Variants in TMEM184B observed in about 807,000 individuals in gnomAD.
The protein encoded by TMEM184B is putative MAPK-activating protein FM08.
Under a neutral mutation model 41.8 loss-of-function variants are expected in TMEM184B, and 17 were observed. That is an observed-to-expected ratio of 0.41 (90% CI 0.28 to 0.61). The LOEUF is 0.61. Among genes scored for constraint, TMEM184B ranks in the 20% least tolerant of loss-of-function variants. The pLI, the probability that TMEM184B is intolerant of heterozygous loss-of-function variation, is 0.34. For missense variants in TMEM184B, 393 were observed against 557.8 expected, an observed-to-expected ratio of 0.70 and a Z score of 2.98; for synonymous variants, 240 against 229.5, an observed-to-expected ratio of 1.05 and a Z score of -0.41.
At chr22:38,261,963 C>A (rs374753778) in intron 1 of TMEM184B, among the ~76,000 whole-genome samples, 1 of 152,284 alleles carries the variant, frequency 6.6e-6, no homozygotes, top group South Asian at 2.1e-4. Flanking sequence ...CAGCAAAGAG[C>A]GCACACGCGC....
intron 1 of TMEM184B, among the ~76,000 whole-genome samples, chr22:38,252,809 T>C (rs564431795): frequency 1.9e-3 from 293 of 152,320 alleles, no homozygotes; most frequent in Non-Finnish European, 3.6e-3. Context: ...AATTACATAA[T>C]TAACAAGGGA....
Position 38,220,959 on chromosome 22 carries a change from C to G in TMEM184B, c.*510G>C. 1.0e-6 allele frequency: 1 copy of G among 989,842 alleles called. No homozygotes were observed. The highest frequency in any genetic ancestry group is 4.6e-5 in the South Asian group (1 of 21,526). 61.3% of individuals were successfully genotyped at this position (989,842 alleles called of 1,614,324 possible). ...GGGGAGGACCACAGAGCGCCCACATCCCCACTCCTGCCCGGGGTGAGGTGA... is the reference window on the plus strand; with the variant it reads ...GGGGAGGACCACAGAGCGCCCACATGCCCACTCCTGCCCGGGGTGAGGTGA... On this transcript the variant is annotated 3_prime_UTR_variant, in exon 9 of 9. Transcript: ENST00000361906.
At chr22:38,243,112 T>C (rs1395483640) in intron 3 of TMEM184B, among the ~76,000 whole-genome samples, 1 of 151,154 alleles carries the variant, frequency 6.6e-6, no homozygotes, top group East Asian at 1.9e-4. Flanking sequence ...GCAGCTGCTG[T>C]ACTGTTTGTA....
intron 3 of TMEM184B, among the ~76,000 whole-genome samples, chr22:38,237,435 T>C (rs376420511): frequency 3.3e-4 from 50 of 152,372 alleles, no homozygotes; most frequent in African/African-American, 1.2e-3. Flanking sequence ...CCGATGACCC[T>C]GGGCACACTG....
chr22:38,252,954 A>G (rs949710012), intron 1 of TMEM184B, among the ~76,000 whole-genome samples: 1 of 151,186 alleles, frequency 6.6e-6, no homozygotes, highest in Non-Finnish European at 1.5e-5. Context: ...CAACCTGGCT[A>G]ACATGGTGAA....
chr22:38,230,646 AG>A, intron 5 of TMEM184B, 22 bp downstream of exon 5: 1 of 1,601,304 alleles, frequency 6.2e-7, no homozygotes, highest in South Asian at 1.1e-5. Flanking sequence ...CTCCTGAGCT[AG>A]GCAGCTGCTG....
rs1414560771 is a variant in TMEM184B at position 38,225,029 on chromosome 22, T to C, written c.788-50A>G. On this transcript the variant is annotated intron_variant, in intron 7 of 8. Transcript: ENST00000361906. This position sits in a 1 kb window ranked among gnomAD's most constrained non-coding sequence, Gnocchi z 4.4. ...GGACCCAGAATGATTCCTTTCCTGC[T>C]CCCCCTTCTTCCACAATGCCCCATT... 1.4e-6 allele frequency: 2 copies of C among 1,479,180 alleles called. No homozygotes were observed. The highest frequency in any genetic ancestry group is 1.8e-6 in the Non-Finnish European group (2 of 1,112,770). The allele number at this position is 1,479,180 out of a possible 1,614,324, so 91.6% of individuals were successfully genotyped here.
intron 1 of TMEM184B, among the ~76,000 whole-genome samples, chr22:38,265,417 G>A (rs1231878927): frequency 6.6e-6 from 1 of 152,142 alleles, no homozygotes; most frequent in Non-Finnish European, 1.5e-5. Flanking sequence ...CCTTCCCAGT[G>A]TGGCTGCAAG....
intron 3 of TMEM184B, among the ~76,000 whole-genome samples, chr22:38,244,504 TG>T (rs2091981705): frequency 6.6e-6 from 1 of 151,986 alleles, no homozygotes; most frequent in East Asian, 1.9e-4. Flanking sequence ...TTGCCCAGGC[TG>T]GAGTGCAATG....
chr22:38,241,899 A>AAAAAAAAAAAAAAAAAAAAAAAAC (rs2091917320), intron 3 of TMEM184B, among the ~76,000 whole-genome samples: 1 of 149,892 alleles, frequency 6.7e-6, no homozygotes, highest in African/African-American at 2.4e-5. Context: ...AAAAAAAAAA[A>AAAAAAAAAAAAAAAAAAAAAAAAC]AAAAAAAAGA....
Position 38,224,987 on chromosome 22 carries a change from G to T in TMEM184B, c.788-8C>A, listed in dbSNP as rs1316889742. On this transcript the variant is annotated splice_region_variant and splice_polypyrimidine_tract_variant and intron_variant, in intron 7 of 8. Coordinates refer to ENST00000361906, the MANE Select transcript of TMEM184B (RefSeq NM_012264.5). ...GGATGGCCAGGAGCATGCCTGGATG[G>T]GGAGGCACGGGTGTCTGGACCCAGA... The T allele has an allele frequency of 1.3e-6, 2 of 1,546,476 alleles. No individual in the cohort carries two copies. The highest frequency in any genetic ancestry group is 1.7e-6 in the Non-Finnish European group (2 of 1,145,142).
intron 3 of TMEM184B, among the ~76,000 whole-genome samples, chr22:38,240,998 G>T (rs1336889778): frequency 6.6e-6 from 1 of 152,208 alleles, no homozygotes; most frequent in African/African-American, 2.4e-5. Context: ...GCTGGAAGAC[G>T]TGCTCCAACC....
chr22:38,247,735 G>T, intron 2 of TMEM184B, 35 bp downstream of exon 2: 1 of 1,588,484 alleles, frequency 6.3e-7, no homozygotes, highest in South Asian at 1.2e-5. Flanking sequence ...AACCTTTCTG[G>T]ACCTTTCTAG....
downstream of TMEM184B, among the ~76,000 whole-genome samples, chr22:38,218,280 G>A (rs1007294573): frequency 6.6e-6 from 1 of 152,196 alleles, no homozygotes; most frequent in African/African-American, 2.4e-5. Context: ...AAGGAGTGGA[G>A]TATACTGTGG....
intron 1 of TMEM184B, among the ~76,000 whole-genome samples, chr22:38,256,987 T>C (rs1030459808): frequency 2.7e-5 from 4 of 150,204 alleles, no homozygotes; most frequent in South Asian, 2.1e-4. Context: ...GTTTTTTTTT[T>C]TTTTTTTTTT....
intron 5 of TMEM184B, among the ~76,000 whole-genome samples, chr22:38,228,516 C>T (rs2091516546): frequency 1.3e-5 from 2 of 152,186 alleles, no homozygotes; most frequent in Non-Finnish European, 2.9e-5. Flanking sequence ...CATCAGAACC[C>T]CCAGGGAGCT....
At chr22:38,254,785 C>G (rs2092245216) in intron 1 of TMEM184B, among the ~76,000 whole-genome samples, 2 of 152,052 alleles carry the variant, frequency 1.3e-5, no homozygotes, top group South Asian at 4.1e-4. Context: ...GAAACCTGAT[C>G]TCCCACACAT....
rs868799980 is a variant in TMEM184B, at chr22:38,272,968, C to G, written c.-143G>C. On this transcript the variant is annotated 5_prime_UTR_variant, in exon 1 of 9. Transcript: ENST00000361906. ...GGCGGGGCGGGCGGCGCCGCAGCCC[C>G]GGAGTCTCCGCCGCCGCCGGCGCGT... 9 of 283,052 alleles carry G rather than the reference C, an allele frequency of 3.2e-5. No individual in the cohort carries two copies. Among genetic ancestry groups the G allele is most frequent in the East Asian group, 1.8e-4 (1 of 5,692 alleles). The allele number at this position is 283,052 out of a possible 1,614,324, so 17.5% of individuals were successfully genotyped here.
chr22:38,219,816 C>T lies in TMEM184B; in HGVS notation c.*1653G>A. 1 of 985,454 alleles carries T rather than the reference C, an allele frequency of 1.0e-6. No homozygotes were observed. Among genetic ancestry groups the T allele is most frequent in the Non-Finnish European group, 1.2e-6 (1 of 829,962 alleles). The allele number at this position is 985,454 out of a possible 1,614,324, so 61.0% of individuals were successfully genotyped here. ...GGTCCTCAGCCTGTGTCTGCACCCA[C>T]CCTCCCGGGCAGCTTGGGCCCAACT... On this transcript the variant is annotated 3_prime_UTR_variant, in exon 9 of 9. Coordinates refer to ENST00000361906, the MANE Select transcript of TMEM184B (RefSeq NM_012264.5).
Sources: allele counts gnomAD v4.1 joint callset (sites outside exome capture counted in the v4.1 genomes callset), GRCh38; gene constraint gnomAD v4.1.1; non-coding constraint Gnocchi (gnomAD v3.1); transcripts MANE v1.5; gene names NCBI Gene and HGNC (gene_info 2026-07-23, HGNC 2026-07-21).